Variants in SGMS1 observed in about 807,000 individuals in gnomAD.
The protein encoded by SGMS1 is phosphatidylcholine:ceramide cholinephosphotransferase 1.
A neutral mutation model predicts 46.2 loss-of-function variants in SGMS1; 13 were observed. That is an observed-to-expected ratio of 0.28 (90% CI 0.18 to 0.45). The LOEUF (loss-of-function observed/expected upper bound fraction) is 0.45, where lower values mean the gene tolerates loss of function less well. Among genes scored for constraint, SGMS1 ranks in the 20% least tolerant of loss-of-function variants. The pLI, the probability that SGMS1 is intolerant of heterozygous loss-of-function variation, is 1.00. For missense variants in SGMS1, 324 were observed against 519.9 expected, an observed-to-expected ratio of 0.62 and a Z score of 3.66; for synonymous variants, 203 against 187.8, an observed-to-expected ratio of 1.08 and a Z score of -0.66.
chr10:50,391,226 G>A (rs964473944), intron 6 of SGMS1, among the ~76,000 whole-genome samples: 3 of 152,172 alleles, frequency 2.0e-5, no homozygotes, highest in Non-Finnish European at 4.4e-5. Flanking sequence ...GGAGACCACA[G>A]ACCTAAAATC....
intron 3 of SGMS1, among the ~76,000 whole-genome samples, chr10:50,469,084 C>G (rs1447556076): frequency 1.3e-5 from 2 of 152,184 alleles, no homozygotes; most frequent in Non-Finnish European, 2.9e-5. Flanking sequence ...GCAAATTTGT[C>G]CAAGGTCAAA....
chr10:50,313,887 A>T (rs915006756), intron 8 of SGMS1, among the ~76,000 whole-genome samples: 1 of 152,200 alleles, frequency 6.6e-6, no homozygotes, highest in Non-Finnish European at 1.5e-5. Flanking sequence ...TAGAGACCCT[A>T]AGCTTCCTTT....
intron 7 of SGMS1, chr10:50,335,318 T>C (rs1847698381): frequency 6.6e-6 from 1 of 152,344 alleles, no homozygotes; most frequent in African/African-American, 2.4e-5. Context: ...CCCAACACAT[T>C]TGGGCTGAGC....
chr10:50,477,907 C>T (rs1303872901), intron 3 of SGMS1, among the ~76,000 whole-genome samples: 2 of 152,122 alleles, frequency 1.3e-5, no homozygotes, highest in Non-Finnish European at 2.9e-5. Flanking sequence ...CTGATTAAAC[C>T]TCTTTTCTTT....
chr10:50,620,167 T>G (rs924240307), intron 1 of SGMS1, among the ~76,000 whole-genome samples: 2 of 152,234 alleles, frequency 1.3e-5, no homozygotes, highest in Non-Finnish European at 2.9e-5. Flanking sequence ...CTTCACTCTC[T>G]CCTCCCTGAC....
intron 6 of SGMS1, among the ~76,000 whole-genome samples, chr10:50,369,448 T>C (rs1327327457): frequency 1.3e-5 from 2 of 152,098 alleles, no homozygotes; most frequent in Admixed American, 1.3e-4. Flanking sequence ...CAGTGAGCCA[T>C]GTTTGTGCCA....
chr10:50,541,133 T>C (rs894248814), intron 2 of SGMS1, among the ~76,000 whole-genome samples: 1 of 152,124 alleles, frequency 6.6e-6, no homozygotes, highest in Admixed American at 6.5e-5. Flanking sequence ...TTTGAAAATG[T>C]GGGGGTTTCA....
intron 6 of SGMS1, among the ~76,000 whole-genome samples, chr10:50,363,871 C>T (rs183548994): frequency 2.7e-4 from 41 of 152,030 alleles, no homozygotes; most frequent in African/African-American, 9.2e-4. Context: ...CACCAGGTAT[C>T]TGAAGAAACT....
intron 6 of SGMS1, among the ~76,000 whole-genome samples, chr10:50,400,018 G>T (rs1161382959): frequency 6.9e-6 from 1 of 144,088 alleles, no homozygotes; most frequent in African/African-American, 2.5e-5. Flanking sequence ...GACACAGTGA[G>T]ACTCCTTCTC....
intron 7 of SGMS1, among the ~76,000 whole-genome samples, chr10:50,329,000 C>T (rs1847572859): frequency 6.6e-6 from 1 of 152,212 alleles, no homozygotes; most frequent in Admixed American, 6.5e-5. Flanking sequence ...TTTGCAATTT[C>T]ACTTGAACTA....
intron 2 of SGMS1, among the ~76,000 whole-genome samples, chr10:50,584,258 G>A (rs1838461105): frequency 6.6e-6 from 1 of 152,144 alleles, no homozygotes; most frequent in African/African-American, 2.4e-5. Context: ...CCAGCACTTT[G>A]GGAGGCCAAT....
intron 4 of SGMS1, among the ~76,000 whole-genome samples, chr10:50,464,645 G>A (rs776634283): frequency 2.0e-5 from 3 of 152,200 alleles, no homozygotes; most frequent in Non-Finnish European, 4.4e-5. Context: ...TGTTGGCCAG[G>A]CTGGTCTTGA....
Position 50,344,054 on chromosome 10 carries a change from T to G in SGMS1, c.61A>C (p.Met21Leu), listed in dbSNP as rs372461265. ...TCCAGAGGCTCACAGTATTCTGGCA[T>G]AGCATTCTCCAGCAGCCAGTCTGCC... ...KVADWLLENA[M>L]PEYCEPLEHF... Residue 21 changes from methionine (M) to leucine (L), a missense_variant, in exon 7 of 11, where the codon ATG becomes CTG. By Grantham distance (15) the Met-to-Leu change is conservative. Around this residue, in one of 2 missense-constraint regions of SGMS1, gnomAD observed 150 missense variants for 169.8 expected, o/e 0.88. Coordinates refer to ENST00000361781, the MANE Select transcript of SGMS1 (RefSeq NM_147156.4). 2 of 1,614,040 alleles carry G rather than the reference T, an allele frequency of 1.2e-6. No homozygotes were observed. The highest frequency in any genetic ancestry group is 2.7e-5 in the African/African-American group (2 of 74,920).
chr10:50,592,922 C>T (rs763402193), intron 1 of SGMS1, among the ~76,000 whole-genome samples: 1 of 152,162 alleles, frequency 6.6e-6, no homozygotes, highest in Non-Finnish European at 1.5e-5. Context: ...CAAGATGGCC[C>T]GTGGTGATAT....
intron 6 of SGMS1, among the ~76,000 whole-genome samples, chr10:50,376,992 T>C (rs1848531499): frequency 6.6e-6 from 1 of 152,234 alleles, no homozygotes; most frequent in Admixed American, 6.5e-5. Flanking sequence ...TAAGGAATTA[T>C]CAGTTTAAGA....
At chr10:50,391,966 G>T (rs929717252) in intron 6 of SGMS1, among the ~76,000 whole-genome samples, 2 of 151,918 alleles carry the variant, frequency 1.3e-5, no homozygotes, top group Non-Finnish European at 2.9e-5. Context: ...TCACTTATAA[G>T]TGGAAGCTAA....
At chr10:50,470,402 A>G (rs1442882788) in intron 3 of SGMS1, among the ~76,000 whole-genome samples, 1 of 151,976 alleles carries the variant, frequency 6.6e-6, no homozygotes, top group African/African-American at 2.4e-5. Context: ...CTAACTTTCA[A>G]TAAACAGAGT....
chr10:50,420,155 T>G (rs1057102977), intron 6 of SGMS1, among the ~76,000 whole-genome samples: 2 of 152,222 alleles, frequency 1.3e-5, no homozygotes, highest in Non-Finnish European at 2.9e-5. Flanking sequence ...TGGGCCTGTC[T>G]CCTAGATGAT....
rs540107078 is a variant in SGMS1, at chr10:50,327,075, G to GTAAC, written c.741+126_741+129dup. On this transcript the variant is annotated intron_variant, in intron 8 of 10. Transcript: ENST00000361781. ...TGGGGCTGCCTGGCCATATCATTTAGTAACATTCTCAGATAGAGGAGTGAC... is the reference window on the plus strand; with the variant it reads ...TGGGGCTGCCTGGCCATATCATTTAGTAACTAACATTCTCAGATAGAGGAGTGAC... 4.3e-5 allele frequency: 25 copies of GTAAC among 579,024 alleles called. No homozygotes were observed. The South Asian group carries it at 6.1e-4, about 14-fold the overall frequency. 35.9% of individuals were successfully genotyped at this position (579,024 alleles called of 1,614,324 possible). A position where few individuals can be genotyped will look rare whatever the true frequency, so the allele number is the denominator to read the frequency against.
Sources: allele counts gnomAD v4.1 joint callset (sites outside exome capture counted in the v4.1 genomes callset), GRCh38; gene constraint gnomAD v4.1.1; regional missense constraint gnomAD v4.1.1; transcripts MANE v1.5; gene names NCBI Gene and HGNC (gene_info 2026-07-23, HGNC 2026-07-21).